Variants in ATXN7L1 observed in about 807,000 individuals in gnomAD.
ATXN7L1 encodes ataxin 7 like 1, also known as ataxin-7-like protein 1.
ATXN7L1 carries 15 observed loss-of-function variants against 70.8 expected under a neutral mutation model. The observed-to-expected ratio is 0.21, with a 90% CI of 0.14 to 0.33. The LOEUF is 0.33. ATXN7L1 is among the 10% of genes least tolerant of loss of function. ATXN7L1 has a pLI of 1.00. For synonymous variants in ATXN7L1, 440 were observed against 445.1 expected, an observed-to-expected ratio of 0.99 and a Z score of 0.14; for missense variants, 975 against 1,097.1, an observed-to-expected ratio of 0.89 and a Z score of 1.57.
intron 2 of ATXN7L1, among the ~76,000 whole-genome samples, chr7:105,846,882 A>G (rs1160837161): frequency 1.3e-5 from 2 of 152,212 alleles, no homozygotes; most frequent in African/African-American, 4.8e-5. Flanking sequence ...ATATAATTCC[A>G]TTTATACGAA....
At chr7:105,862,607 C>T (rs982038802) in intron 2 of ATXN7L1, among the ~76,000 whole-genome samples, 3 of 151,980 alleles carry the variant, frequency 2.0e-5, no homozygotes, top group Non-Finnish European at 4.4e-5. Context: ...TGGGGCCCAT[C>T]GAAGGTCACC....
At chr7:105,709,619 A>G (rs1793632969) in intron 3 of ATXN7L1, among the ~76,000 whole-genome samples, 1 of 152,078 alleles carries the variant, frequency 6.6e-6, no homozygotes, top group Non-Finnish European at 1.5e-5. Flanking sequence ...GCCTGCTGAG[A>G]TTATTCAAAC....
rs569503213 is a variant in ATXN7L1, at chr7:105,686,772, G to C, written c.356-21484C>G. On this transcript the variant is annotated intron_variant, in intron 3 of 11. Transcript: ENST00000419735. The stretch of plus-strand genomic sequence containing the variant: ...TTTCTATGGAATGCATGTCACTTCT[G>C]TACCATCTTGAAACCAAAAAATCAT... 2.6e-5 allele frequency among the ~76,000 whole-genome samples: 4 copies of C among 152,306 alleles called. No homozygotes were observed. The South Asian group carries it at 8.3e-4, about 32-fold the overall frequency.
chr7:105,646,390 G>A (rs556057106), intron 4 of ATXN7L1, among the ~76,000 whole-genome samples: 1 of 152,060 alleles, frequency 6.6e-6, no homozygotes, highest in East Asian at 1.9e-4. Context: ...GGGGGGCCAG[G>A]GTGAGAGGAT....
At chr7:105,876,333 A>G in intron 1 of ATXN7L1, 45 bp downstream of exon 1, 1 of 1,522,210 alleles carries the variant, frequency 6.6e-7, no homozygotes, top group Non-Finnish European at 8.8e-7. Flanking sequence ...GTGAATGGAA[A>G]GGTTACAGGA....
chr7:105,700,584 C>T (rs1401105726), intron 3 of ATXN7L1, among the ~76,000 whole-genome samples: 7 of 151,854 alleles, frequency 4.6e-5, no homozygotes, highest in Non-Finnish European at 1.0e-4. Flanking sequence ...ATATCTGAGC[C>T]CCTGTGTATG....
chr7:105,863,623 C>T (rs1279730025), intron 2 of ATXN7L1, among the ~76,000 whole-genome samples: 1 of 152,174 alleles, frequency 6.6e-6, no homozygotes, highest in African/African-American at 2.4e-5. Context: ...AGAGCACAGT[C>T]TCTGGAATCA....
intron 2 of ATXN7L1, 137 bp from the exon 3 acceptor site, chr7:105,788,845 A>G: frequency 2.9e-6 from 2 of 701,278 alleles, no homozygotes; most frequent in Non-Finnish European, 5.0e-6. Context: ...TACTAACGGG[A>G]ACTCGGTTTG....
At chr7:105,876,277 G>A in intron 1 of ATXN7L1, 101 bp downstream of exon 1, 1 of 1,368,436 alleles carries the variant, frequency 7.3e-7, no homozygotes, top group Non-Finnish European at 9.8e-7. Context: ...AGGACACCGG[G>A]GGCCACTCTC....
intron 2 of ATXN7L1, among the ~76,000 whole-genome samples, chr7:105,807,936 A>C (rs897276260): frequency 6.6e-6 from 1 of 152,264 alleles, no homozygotes; most frequent in African/African-American, 2.4e-5. Context: ...AGCAAAAGCT[A>C]GCTAACTGAT....
intron 7 of ATXN7L1, among the ~76,000 whole-genome samples, chr7:105,633,150 A>C (rs954174580): frequency 3.3e-5 from 5 of 152,166 alleles, no homozygotes; most frequent in African/African-American, 1.2e-4. Context: ...TAGATTATCA[A>C]TTTAAGTGTG....
At chr7:105,648,954 G>A (rs1307368444) in intron 4 of ATXN7L1, among the ~76,000 whole-genome samples, 1 of 140,542 alleles carries the variant, frequency 7.1e-6, no homozygotes, top group Non-Finnish European at 1.5e-5. Flanking sequence ...CTGGGAGGGG[G>A]TGGTGAGTTG....
intron 3 of ATXN7L1, among the ~76,000 whole-genome samples, chr7:105,704,692 CT>C (rs932338480): frequency 6.7e-6 from 1 of 150,074 alleles, no homozygotes; most frequent in Non-Finnish European, 1.5e-5. Flanking sequence ...TCACTGCAAC[CT>C]CCCGCCTCCT....
chr7:105,843,253 C>T (rs1404166868), intron 2 of ATXN7L1, among the ~76,000 whole-genome samples: 1 of 152,186 alleles, frequency 6.6e-6, no homozygotes, highest in African/African-American at 2.4e-5. Context: ...TGGGGCCCAC[C>T]CTGGTTCTGT....
chr7:105,812,311 T>C (rs1046715155), intron 2 of ATXN7L1, among the ~76,000 whole-genome samples: 10 of 152,234 alleles, frequency 6.6e-5, no homozygotes, highest in African/African-American at 1.4e-4. Flanking sequence ...AACGAAAACA[T>C]ATGAACTTTA....
chr7:105,848,603 T>C (rs1814414552), intron 2 of ATXN7L1, among the ~76,000 whole-genome samples: 1 of 152,214 alleles, frequency 6.6e-6, no homozygotes. Flanking sequence ...AATTATCCCA[T>C]TTTTGTAAGT....
chr7:105,847,314 C>G (rs1814201765), intron 2 of ATXN7L1, among the ~76,000 whole-genome samples: 1 of 152,082 alleles, frequency 6.6e-6, no homozygotes, highest in Non-Finnish European at 1.5e-5. Context: ...CTGGATGGAT[C>G]TAGTTTTAAC....
chr7:105,742,493 A>G (rs1052106307), intron 3 of ATXN7L1, among the ~76,000 whole-genome samples: 2 of 152,232 alleles, frequency 1.3e-5, no homozygotes, highest in African/African-American at 2.4e-5. Context: ...ATTTTACAGA[A>G]GAGAAAACTG....
chr7:105,622,836 T>G (rs1469152642), intron 8 of ATXN7L1, among the ~76,000 whole-genome samples: 1 of 152,078 alleles, frequency 6.6e-6, no homozygotes, highest in Non-Finnish European at 1.5e-5. Context: ...CCAACCTGAG[T>G]AGCACACCAC....
Sources: gnomAD v4.1 joint callset for allele counts (sites outside exome capture counted in the v4.1 genomes callset) on GRCh38, gnomAD v4.1.1 for gene constraint, MANE v1.5 for transcripts, NCBI Gene and HGNC (gene_info 2026-07-23, HGNC 2026-07-21) for gene names.